The following EPS15L1 variants were observed in gnomAD, a reference collection of about 807,000 sequenced individuals.
EPS15L1 encodes the protein epidermal growth factor receptor substrate 15-like 1.
In EPS15L1, 43 loss-of-function variants were observed where a neutral mutation model predicts 117.1. The observed-to-expected ratio is 0.37, with a 90% CI of 0.29 to 0.47. The LOEUF is 0.47. Among genes scored for constraint, EPS15L1 ranks in the 20% least tolerant of loss-of-function variants. The pLI is 0.99. For missense variants in EPS15L1, 981 were observed against 1,164.0 expected, an observed-to-expected ratio of 0.84 and a Z score of 2.29; for synonymous variants, 459 against 470.5, an observed-to-expected ratio of 0.98 and a Z score of 0.32.
intron 21 of EPS15L1, among the ~76,000 whole-genome samples, chr19:16,382,838 A>G (rs2092378050): frequency 1.3e-5 from 2 of 152,094 alleles, no homozygotes; most frequent in Admixed American, 6.5e-5. Context: ...TTCTAGAATC[A>G]GGCTGTGGGC....
chr19:16,460,444 A>G (rs1478926028), intron 1 of EPS15L1, among the ~76,000 whole-genome samples: 1 of 152,218 alleles, frequency 6.6e-6, no homozygotes, highest in Admixed American at 6.5e-5. Flanking sequence ...ATTAAAGGAC[A>G]TTTTCTAGTG....
At chr19:16,373,229 C>T (rs899300119) in intron 22 of EPS15L1, among the ~76,000 whole-genome samples, 8 of 152,030 alleles carry the variant, frequency 5.3e-5, no homozygotes, top group African/African-American at 1.9e-4. Context: ...CCGCCAGGCT[C>T]ACAGGGGGTC....
chr19:16,438,005 G>A (rs184355253), intron 4 of EPS15L1, 140 bp from the exon 5 acceptor site: 22 of 645,464 alleles, frequency 3.4e-5, no homozygotes, highest in East Asian at 5.5e-5. Flanking sequence ...CCCTTGGAGC[G>A]TTGGGCTGAA....
chr19:16,446,773 G>A (rs2093087235), intron 1 of EPS15L1, among the ~76,000 whole-genome samples: 1 of 152,136 alleles, frequency 6.6e-6, no homozygotes. Flanking sequence ...GTGATGACGT[G>A]CTGGAGCATT....
At chr19:16,366,205 C>T (rs1468484160) in intron 22 of EPS15L1, among the ~76,000 whole-genome samples, 2 of 152,076 alleles carry the variant, frequency 1.3e-5, no homozygotes, top group Non-Finnish European at 2.9e-5. Context: ...CTTGATTTCT[C>T]GAAGCCGTTC....
At chr19:16,453,436 G>T (rs967739067) in intron 1 of EPS15L1, among the ~76,000 whole-genome samples, 3 of 152,126 alleles carry the variant, frequency 2.0e-5, no homozygotes, top group Non-Finnish European at 4.4e-5. Flanking sequence ...CATTTGGGCT[G>T]GGCACAGTGG....
intron 19 of EPS15L1, among the ~76,000 whole-genome samples, chr19:16,390,424 C>T (rs1174042657): frequency 1.3e-5 from 2 of 152,074 alleles, no homozygotes; most frequent in African/African-American, 4.8e-5. Context: ...GAATGTTTAA[C>T]GCCTCTCTCT....
At chr19:16,396,124 A>G (rs181916294) in intron 16 of EPS15L1, among the ~76,000 whole-genome samples, 5 of 152,280 alleles carry the variant, frequency 3.3e-5, no homozygotes, top group Admixed American at 3.3e-4. Context: ...AAAATTAATT[A>G]AAGATCATTG....
Position 16,383,363 on chromosome 19 carries a change from G to A in EPS15L1, c.2247+1766C>T, listed in dbSNP as rs2092383788. 2 of 152,190 alleles carry A rather than the reference G, an allele frequency of 1.3e-5. No homozygotes were observed. Among genetic ancestry groups the A allele is most frequent in the African/African-American group, 4.8e-5 (2 of 41,428 alleles). The allele number at this position is 152,190 out of a possible 1,614,324, so 9.4% of individuals were successfully genotyped here. A position where few individuals can be genotyped will look rare whatever the true frequency, so the allele number is the denominator to read the frequency against. On this transcript the variant is annotated intron_variant, in intron 21 of 23. Coordinates refer to ENST00000455140, the MANE Select transcript of EPS15L1 (RefSeq NM_001258374.3). The surrounding 1 kb of genome is among the most constrained non-coding windows in gnomAD (Gnocchi z 5.2). ...CCTCCCTCTGCTCACAGTGAGAGGA[G>A]GAAGACAGATCCAGCCTCCCAAAGG...
intron 1 of EPS15L1, among the ~76,000 whole-genome samples, chr19:16,451,346 A>T (rs2093140338): frequency 6.6e-6 from 1 of 152,160 alleles, no homozygotes; most frequent in Admixed American, 6.5e-5. Context: ...GACCAAATGC[A>T]AGGTGACATT....
chr19:16,436,245 A>G lies in EPS15L1; in HGVS notation c.372+692T>C, dbSNP rs115970798. 6.7e-3 allele frequency among the ~76,000 whole-genome samples: 1,020 copies of G among 152,314 alleles called. 12 individuals carry two copies. Among genetic ancestry groups the G allele is most frequent in the African/African-American group, 0.023 (974 of 41,562 alleles). Reference sequence around the variant, plus strand: ...AAGAGTGTTATTCATGTCAGGATTTAAGCCACATAAACGTGAGGAAATGTG... The same window carrying G: ...AAGAGTGTTATTCATGTCAGGATTTGAGCCACATAAACGTGAGGAAATGTG... On this transcript the variant is annotated intron_variant, in intron 6 of 23. Coordinates refer to ENST00000455140, the MANE Select transcript of EPS15L1 (RefSeq NM_001258374.3).
chr19:16,456,699 T>C (rs995908768), intron 1 of EPS15L1, among the ~76,000 whole-genome samples: 6 of 151,986 alleles, frequency 3.9e-5, no homozygotes, highest in Non-Finnish European at 8.8e-5. Flanking sequence ...AATAGAGTCC[T>C]GGGCTTCAGG....
At chr19:16,408,234 A>G (rs16995422) in intron 13 of EPS15L1, among the ~76,000 whole-genome samples, 58,487 of 151,938 alleles carry the variant, frequency 0.38, 12,417 homozygotes, top group African/African-American at 0.57. Context: ...TCAGAGCAAA[A>G]AGAAGACAAA....
Position 16,403,833 on chromosome 19 carries a change from T to C in EPS15L1, c.1526A>G (p.Gln509Arg). ...CTGCTCCAGCTGGGTTTCCTCCTGC[T>C]GCAATCGGTTCAGCTCCGACTTGGC... ...NRAKSELNRL[Q>R]QEETQLEQSI... The change falls in exon 15 of 24, where the codon CAG becomes CGG. Residue 509 changes from glutamine (Q) to arginine (R), a missense_variant. Coordinates refer to ENST00000455140, the MANE Select transcript of EPS15L1 (RefSeq NM_001258374.3). 1 of 1,614,204 alleles carries C rather than the reference T, an allele frequency of 6.2e-7. No individual in the cohort carries two copies. The highest frequency in any genetic ancestry group is 8.5e-7 in the Non-Finnish European group (1 of 1,180,048).
chr19:16,385,344 G>C (rs2092409045), intron 20 of EPS15L1, 133 bp from the exon 21 acceptor site: 2 of 740,078 alleles, frequency 2.7e-6, no homozygotes, highest in Non-Finnish European at 4.6e-6. Flanking sequence ...AGACACGTGT[G>C]TCTGCATGAA....
chr19:16,454,136 C>A (rs1411038923), intron 1 of EPS15L1, among the ~76,000 whole-genome samples: 1 of 152,212 alleles, frequency 6.6e-6, no homozygotes, highest in East Asian at 1.9e-4. Context: ...GCTGTTTTCC[C>A]CCCTTGAGGG....
intron 1 of EPS15L1, among the ~76,000 whole-genome samples, chr19:16,446,849 TG>T (rs765198154): frequency 5.1e-4 from 77 of 152,338 alleles, no homozygotes; most frequent in Admixed American, 7.2e-4. Flanking sequence ...TGAAAGCCAG[TG>T]TTTTCGATGA....
Position 16,451,781 on chromosome 19 carries a change from G to A in EPS15L1, c.34-9562C>T, listed in dbSNP as rs1179932023. ...CCTGACCTCGTGATCCACCCGCCTC[G>A]GCCTGCCAGAGTGCTGGGATTACAG... is the stretch of plus-strand genomic sequence containing the variant. On this transcript the variant is annotated intron_variant, in intron 1 of 23. Transcript: ENST00000455140. Among the ~76,000 whole-genome samples, 6 of 149,816 alleles carry A rather than the reference G, an allele frequency of 4.0e-5. No individual in the cohort carries two copies. In the East Asian group the frequency reaches 8.4e-4, roughly 21 times the overall value.
At chr19:16,387,135 C>T (rs1319606712) in intron 19 of EPS15L1, among the ~76,000 whole-genome samples, 1 of 152,184 alleles carries the variant, frequency 6.6e-6, no homozygotes, top group East Asian at 1.9e-4. Flanking sequence ...AGTGAAAACA[C>T]AGGTGACCTT....
Sources: allele counts gnomAD v4.1 joint callset (sites outside exome capture counted in the v4.1 genomes callset), GRCh38; gene constraint gnomAD v4.1.1; non-coding constraint Gnocchi (gnomAD v3.1); transcripts MANE v1.5; gene names NCBI Gene and HGNC (gene_info 2026-07-23, HGNC 2026-07-21).